Variants in SUPT3H observed in about 807,000 individuals in gnomAD.
The protein encoded by SUPT3H is transcription initiation protein SPT3 homolog.
Under a neutral mutation model 44.3 loss-of-function variants are expected in SUPT3H, and 44 were observed. That is an observed-to-expected ratio of 0.99 (90% CI 0.78 to 1.28). The LOEUF (loss-of-function observed/expected upper bound fraction) is 1.28. Ranked by LOEUF, SUPT3H falls within the 50% of genes most tolerant of loss-of-function variation. SUPT3H has a pLI of 0.00. For synonymous variants in SUPT3H, 124 were observed against 125.6 expected, an observed-to-expected ratio of 0.99 and a Z score of 0.09; for missense variants, 380 against 387.1, an observed-to-expected ratio of 0.98 and a Z score of 0.15.
chr6:45,021,680 A>G (rs1015973842), intron 3 of SUPT3H, among the ~76,000 whole-genome samples: 2 of 152,036 alleles, frequency 1.3e-5, no homozygotes, highest in East Asian at 3.8e-4. Context: ...AATGTGACAC[A>G]CTATTATCTC....
At chr6:45,106,851 A>G (rs1045393730) in intron 2 of SUPT3H, among the ~76,000 whole-genome samples, 3 of 152,160 alleles carry the variant, frequency 2.0e-5, no homozygotes, top group Non-Finnish European at 4.4e-5. Flanking sequence ...AGTATTTTTT[A>G]AAGGGAATTT....
At chr6:45,118,787 C>A (rs1801192597) in intron 2 of SUPT3H, among the ~76,000 whole-genome samples, 1 of 152,256 alleles carries the variant, frequency 6.6e-6, no homozygotes, top group Non-Finnish European at 1.5e-5. Flanking sequence ...TATTCATTCC[C>A]ATTGCCAAGT....
rs1788804102 is a variant in SUPT3H at position 45,337,425 on chromosome 6, C to A, written c.101+27776G>T. Among the ~76,000 whole-genome samples the A allele has an allele frequency of 3.3e-5, 5 of 151,622 alleles. No homozygotes were observed. The South Asian group carries it at 1.0e-3, about 31-fold the overall frequency. On this transcript the variant is annotated intron_variant, in intron 2 of 10. Coordinates refer to ENST00000371459, the MANE Select transcript of SUPT3H (RefSeq NM_003599.4). The stretch of plus-strand genomic sequence containing the variant: ...CTGCATTTAAAATATATAATTAAAT[C>A]AATATATACAAGGGTTACTCTAAAA...
chr6:44,900,651 G>A (rs1001550723), intron 10 of SUPT3H, among the ~76,000 whole-genome samples: 6 of 152,140 alleles, frequency 3.9e-5, no homozygotes, highest in Admixed American at 1.3e-4. Context: ...AAATGCCCCT[G>A]TCTGACAGCT....
intron 2 of SUPT3H, among the ~76,000 whole-genome samples, chr6:45,215,428 C>A (rs927123825): frequency 6.6e-6 from 1 of 151,996 alleles, no homozygotes; most frequent in Non-Finnish European, 1.5e-5. Flanking sequence ...AGGGAATACA[C>A]AGACAATTCA....
intron 2 of SUPT3H, among the ~76,000 whole-genome samples, chr6:45,192,409 G>T (rs1359987488): frequency 6.6e-6 from 1 of 152,072 alleles, no homozygotes; most frequent in Non-Finnish European, 1.5e-5. Context: ...AATGAGAATG[G>T]TTAACTTGGG....
At position 45,184,775 on chromosome 6, in the gene SUPT3H, GAAAAAAAAAAAA is replaced by G. The variant is rs55652227; in HGVS notation, c.102-78781_102-78770del. 6.8e-4 allele frequency among the ~76,000 whole-genome samples: 87 copies of G among 128,584 alleles called. 2 individuals carry two copies. Among genetic ancestry groups the G allele is most frequent in the African/African-American group, 2.1e-3 (72 of 33,546 alleles). The allele number at this position is 128,584 out of a possible 152,430, so 84.4% of individuals were successfully genotyped here. A position where few individuals can be genotyped will look rare whatever the true frequency, so the allele number is the denominator to read the frequency against. On this transcript the variant is annotated intron_variant, in intron 2 of 10. Coordinates refer to ENST00000371459, the MANE Select transcript of SUPT3H (RefSeq NM_003599.4). ...GATGTAGAACCACCAACAGGCAGAG[GAAAAAAAAAAAA>G]AAAAAAAAAAAAAAAACTCCAAGGA...
chr6:44,817,003 GT>G (rs1766958509), intron 11 of SUPT3H, among the ~76,000 whole-genome samples: 1 of 152,126 alleles, frequency 6.6e-6, no homozygotes, highest in African/African-American at 2.4e-5. Context: ...CCAGGTTGCA[GT>G]GAGCTATGAT....
At chr6:44,859,178 T>C (rs951035316) in intron 10 of SUPT3H, among the ~76,000 whole-genome samples, 13 of 152,338 alleles carry the variant, frequency 8.5e-5, no homozygotes, top group African/African-American at 1.7e-4. Flanking sequence ...AATGTTTTAT[T>C]TGTTTCACTC....
intron 3 of SUPT3H, among the ~76,000 whole-genome samples, chr6:45,037,420 G>T (rs998957412): frequency 6.6e-6 from 1 of 151,618 alleles, no homozygotes; most frequent in Non-Finnish European, 1.5e-5. Flanking sequence ...AGGCTGAGGC[G>T]GGGGGATCAC....
intron 9 of SUPT3H, among the ~76,000 whole-genome samples, chr6:44,950,020 C>G (rs1774033055): frequency 6.6e-6 from 1 of 152,250 alleles, no homozygotes; most frequent in Admixed American, 6.5e-5. Context: ...ACCTCAGAAA[C>G]TGGTGACAGT....
downstream of SUPT3H, among the ~76,000 whole-genome samples, chr6:44,826,011 A>T (rs1052936172): frequency 2.0e-5 from 3 of 152,182 alleles, no homozygotes; most frequent in Admixed American, 2.0e-4. Flanking sequence ...TGACAGCTTG[A>T]CTATTTACTA....
chr6:45,341,895 T>G (rs7760112), intron 2 of SUPT3H, among the ~76,000 whole-genome samples: 23,287 of 152,004 alleles, frequency 0.15, 2,021 homozygotes, highest in East Asian at 0.26. Flanking sequence ...TAAAAAGATG[T>G]ATGAAGATAG....
At chr6:45,337,439 G>A (rs891079889) in intron 2 of SUPT3H, among the ~76,000 whole-genome samples, 1 of 151,572 alleles carries the variant, frequency 6.6e-6, no homozygotes, top group African/African-American at 2.4e-5. Flanking sequence ...ATATACAAGG[G>A]TTACTCTAAA....
At chr6:44,969,309 G>A (rs182306764) in intron 6 of SUPT3H, among the ~76,000 whole-genome samples, 381 of 152,190 alleles carry the variant, frequency 2.5e-3, no homozygotes, top group Non-Finnish European at 3.8e-3. Flanking sequence ...GCAAATACAC[G>A]GAAAGTCTGG....
chr6:45,287,050 C>A (rs192512400), intron 2 of SUPT3H, among the ~76,000 whole-genome samples: 2,658 of 152,052 alleles, frequency 0.017, 50 homozygotes, highest in South Asian at 0.084. Context: ...AATGAGAACA[C>A]ATGGACACAG....
intron 10 of SUPT3H, among the ~76,000 whole-genome samples, chr6:44,911,131 C>A (rs1227580668): frequency 6.6e-6 from 1 of 150,760 alleles, no homozygotes; most frequent in East Asian, 1.9e-4. Context: ...ACATTATTAT[C>A]CATATCAAGT....
chr6:45,249,955 C>A (rs989710962), intron 2 of SUPT3H, among the ~76,000 whole-genome samples: 69 of 152,162 alleles, frequency 4.5e-4, no homozygotes, highest in African/African-American at 1.5e-3. Context: ...GCTTATAAAC[C>A]CTAGACAAAA....
At chr6:45,158,978 G>A (rs572982888) in intron 2 of SUPT3H, 44 of 152,300 alleles carry the variant, frequency 2.9e-4, no homozygotes, top group African/African-American at 9.9e-4. Context: ...ATTTGACTGA[G>A]TGTTCATCAC....
Sources: gnomAD v4.1 joint callset for allele counts (sites outside exome capture counted in the v4.1 genomes callset) on GRCh38, gnomAD v4.1.1 for gene constraint, MANE v1.5 for transcripts, NCBI Gene and HGNC (gene_info 2026-07-23, HGNC 2026-07-21) for gene names.